DPY19L4: variants seen among roughly 807,000 people sequenced by gnomAD.
The protein encoded by DPY19L4 is dpy-19 like 4.
DPY19L4 carries 97 observed loss-of-function variants against 102.8 expected under a neutral mutation model. That is an observed-to-expected ratio of 0.94 (90% confidence interval 0.80 to 1.12). DPY19L4 has a LOEUF of 1.12. Ranked by LOEUF, DPY19L4 falls within the 50% of genes most tolerant of loss-of-function variation. DPY19L4 has a pLI of 0.00. For missense variants in DPY19L4, 815 were observed against 850.4 expected, an observed-to-expected ratio of 0.96 and a Z score of 0.52; for synonymous variants, 252 against 283.1, an observed-to-expected ratio of 0.89 and a Z score of 1.10.
At chr8:94,774,713 G>T (rs1245480738) in intron 13 of DPY19L4, among the ~76,000 whole-genome samples, 2 of 151,832 alleles carry the variant, frequency 1.3e-5, no homozygotes, top group Non-Finnish European at 2.9e-5. Context: ...GAGTAACTGG[G>T]ATTACAGACA....
intron 14 of DPY19L4, among the ~76,000 whole-genome samples, chr8:94,778,413 A>G (rs749604790): frequency 2.0e-5 from 3 of 152,204 alleles, no homozygotes; most frequent in Non-Finnish European, 2.9e-5. Flanking sequence ...GGAACATTAC[A>G]TTCTGCCTGC....
intron 11 of DPY19L4, among the ~76,000 whole-genome samples, chr8:94,767,136 A>G (rs1249146731): frequency 6.6e-6 from 1 of 151,986 alleles, no homozygotes; most frequent in Non-Finnish European, 1.5e-5. Flanking sequence ...ATTTTGTTCT[A>G]AACCCAGTGA....
chr8:94,767,935 C>T (rs977556394), intron 11 of DPY19L4, among the ~76,000 whole-genome samples: 1 of 151,972 alleles, frequency 6.6e-6, no homozygotes, highest in African/African-American at 2.4e-5. Flanking sequence ...CATTATTTCG[C>T]TCTTTTTTTC....
At chr8:94,738,969 A>G (rs922544423) in intron 4 of DPY19L4, among the ~76,000 whole-genome samples, 3 of 152,216 alleles carry the variant, frequency 2.0e-5, no homozygotes, top group East Asian at 1.9e-4. Flanking sequence ...CAGGGTAGTT[A>G]GTATATCCAT....
chr8:94,765,055 G>T, intron 8 of DPY19L4, 128 bp from the exon 9 acceptor site: 1 of 739,668 alleles, frequency 1.4e-6, no homozygotes. Context: ...TTAAACATTT[G>T]CATAATACTT....
intron 13 of DPY19L4, 114 bp downstream of exon 13, chr8:94,770,685 T>G: frequency 6.6e-6 from 9 of 1,354,116 alleles, no homozygotes; most frequent in South Asian, 1.3e-5. Context: ...CTCACCTGAG[T>G]TCAGGAGTTT....
chr8:94,729,284 ATC>A (rs1810828828), intron 2 of DPY19L4, among the ~76,000 whole-genome samples: 1 of 152,104 alleles, frequency 6.6e-6, no homozygotes, highest in African/African-American at 2.4e-5. Flanking sequence ...AGACAGGAGA[ATC>A]GCTTGAACCT....
At chr8:94,746,121 G>T (rs1033797982) in intron 6 of DPY19L4, among the ~76,000 whole-genome samples, 1 of 144,606 alleles carries the variant, frequency 6.9e-6, no homozygotes, top group African/African-American at 2.6e-5. Context: ...AAGTGCAGGG[G>T]TGCGATCTTG....
At chr8:94,727,526 G>A (rs1810744040) in intron 2 of DPY19L4, among the ~76,000 whole-genome samples, 2 of 152,162 alleles carry the variant, frequency 1.3e-5, no homozygotes, top group Non-Finnish European at 2.9e-5. Flanking sequence ...AAGCCACCGT[G>A]CCCAGCCTAC....
chr8:94,746,683 T>G (rs72676947), intron 6 of DPY19L4, among the ~76,000 whole-genome samples: 1 of 152,300 alleles, frequency 6.6e-6, no homozygotes, highest in Non-Finnish European at 1.5e-5. Context: ...ATATAAAACA[T>G]AAAACTAGGT....
At chr8:94,756,850 C>T (rs145299484) in intron 7 of DPY19L4, among the ~76,000 whole-genome samples, 2,113 of 152,048 alleles carry the variant, frequency 0.014, 47 homozygotes, top group African/African-American at 0.047. Context: ...CATGGTGAAA[C>T]CTCATCTCTA....
At position 94,719,952 on chromosome 8, in the gene DPY19L4, T is replaced by A. The variant is rs1207490411; in HGVS notation, c.-47T>A. Reference sequence around the variant, plus strand: ...TTCGGCGACGCGGAGGGAGGGAGAGTCTGGGCCGCGCGGGAGCCGCAGGGC... The same window carrying A: ...TTCGGCGACGCGGAGGGAGGGAGAGACTGGGCCGCGCGGGAGCCGCAGGGC... On this transcript the variant is annotated 5_prime_UTR_variant, in exon 1 of 19. Coordinates refer to ENST00000414645, the MANE Select transcript of DPY19L4 (RefSeq NM_181787.3). 6.7e-7 allele frequency: 1 copy of A among 1,494,534 alleles called. No individual in the cohort carries two copies. Among genetic ancestry groups the A allele is most frequent in the Admixed American group, 2.2e-5 (1 of 44,482 alleles). The allele number at this position is 1,494,534 out of a possible 1,614,324, so 92.6% of individuals were successfully genotyped here. A position where few individuals can be genotyped will look rare whatever the true frequency, so the allele number is the denominator to read the frequency against.
intron 6 of DPY19L4, among the ~76,000 whole-genome samples, chr8:94,746,892 T>C (rs1586347758): frequency 1.3e-5 from 2 of 152,188 alleles, no homozygotes; most frequent in East Asian, 3.8e-4. Flanking sequence ...TCTTTCTTTC[T>C]TTTTCTTTCT....
intron 2 of DPY19L4, among the ~76,000 whole-genome samples, chr8:94,732,811 C>T (rs369775933): frequency 2.0e-4 from 25 of 128,050 alleles, no homozygotes; most frequent in South Asian, 2.6e-4. Flanking sequence ...CTTTTTCTTT[C>T]TTTTTTTTTT....
chr8:94,747,213 C>T (rs893786154), intron 6 of DPY19L4, among the ~76,000 whole-genome samples: 4 of 151,962 alleles, frequency 2.6e-5, no homozygotes, highest in Non-Finnish European at 4.4e-5. Flanking sequence ...AGGTGTACAC[C>T]ACCACGCCCT....
chr8:94,758,716 G>A (rs948954046), intron 7 of DPY19L4, among the ~76,000 whole-genome samples: 1 of 151,776 alleles, frequency 6.6e-6, no homozygotes, highest in East Asian at 1.9e-4. Flanking sequence ...CCTTGTCATC[G>A]CTGAGTAGTA....
intron 2 of DPY19L4, among the ~76,000 whole-genome samples, chr8:94,732,345 A>G (rs1810997538): frequency 6.6e-6 from 1 of 152,080 alleles, no homozygotes; most frequent in Admixed American, 6.6e-5. Context: ...CTGTAGCAAG[A>G]CTGAATCATC....
At chr8:94,722,788 A>G (rs1456372443) in intron 1 of DPY19L4, among the ~76,000 whole-genome samples, 1 of 152,172 alleles carries the variant, frequency 6.6e-6, no homozygotes, top group Non-Finnish European at 1.5e-5. Flanking sequence ...TGTGTATTTT[A>G]CTTGTATCCA....
rs752334525 is a variant in DPY19L4 at position 94,781,093 on chromosome 8, A to T, written c.1642A>T (p.Arg548Ter). The part of the protein sequence containing the change: ...GLSLWKEFFP[R>*]LMTELMELQE... Reference sequence around the variant, plus strand: ...TTTTTTTGCATTTTAGTTTTTTCCCAGATTAATGACAGAATTAATGGAACT... The same window carrying T: ...TTTTTTTGCATTTTAGTTTTTTCCCTGATTAATGACAGAATTAATGGAACT... The change falls in exon 16 of 19, where the codon AGA becomes TGA. Residue 548 changes from arginine (R) to a stop codon, truncating the protein, a stop_gained. Coordinates refer to ENST00000414645, the MANE Select transcript of DPY19L4 (RefSeq NM_181787.3). LOFTEE classifies it high-confidence loss of function. The T allele has an allele frequency of 6.6e-6, 10 of 1,515,244 alleles. No individual in the cohort carries two copies. Among genetic ancestry groups the T allele is most frequent in the Non-Finnish European group, 8.8e-6 (10 of 1,139,726 alleles). 93.9% of individuals were successfully genotyped at this position (1,515,244 alleles called of 1,614,324 possible). A position where few individuals can be genotyped will look rare whatever the true frequency, so the allele number is the denominator to read the frequency against.
Sources: allele counts gnomAD v4.1 joint callset (sites outside exome capture counted in the v4.1 genomes callset), GRCh38; gene constraint gnomAD v4.1.1; transcripts MANE v1.5; gene names NCBI Gene and HGNC (gene_info 2026-07-23, HGNC 2026-07-21).